BMP6: variants seen among roughly 807,000 people sequenced by gnomAD.
BMP6 encodes the protein bone morphogenetic protein 6.
BMP6 carries 17 observed loss-of-function variants against 54.1 expected under a neutral mutation model. That is an observed-to-expected ratio of 0.31 (90% CI 0.22 to 0.47). BMP6 has a LOEUF of 0.47. Ranked by LOEUF, BMP6 falls within the 20% of genes least tolerant of loss-of-function variation. The probability of loss-of-function intolerance (pLI) is 1.00; values close to 1 mark genes in which losing one functional copy is unlikely to be tolerated. For synonymous variants in BMP6, 328 were observed against 291.2 expected (o/e 1.13, Z -1.28); for missense variants, 720 against 690.4 (o/e 1.04, Z -0.48).
rs534826807 is a variant in BMP6 at position 7,779,169 on chromosome 6, G to A, written c.664+51550G>A. Among the ~76,000 whole-genome samples, 99 of 152,296 alleles carry A rather than the reference G, an allele frequency of 6.5e-4. 1 individual carries two copies. In the South Asian group the frequency reaches 0.02, roughly 30 times the overall value. On this transcript the variant is annotated intron_variant, in intron 1 of 6. Coordinates refer to ENST00000283147, the MANE Select transcript of BMP6 (RefSeq NM_001718.6). ...GCCCTGTGGCCCAGGCTATAGCCCA[G>A]CAAATATTTGTGGTGGGTGCCCAAG...
intron 1 of BMP6, among the ~76,000 whole-genome samples, chr6:7,812,336 A>AT (rs1758447655): frequency 1.3e-5 from 2 of 152,252 alleles, no homozygotes; most frequent in Admixed American, 1.3e-4. Flanking sequence ...GCCTAGACAC[A>AT]TTTGAAATTC....
chr6:7,858,453 CTT>C (rs1389467472), intron 2 of BMP6, among the ~76,000 whole-genome samples: 1 of 152,066 alleles, frequency 6.6e-6, no homozygotes, highest in Non-Finnish European at 1.5e-5. Flanking sequence ...ATCCAGCTGA[CTT>C]TAGCATTTGT....
At chr6:7,769,443 A>G (rs1757749518) in intron 1 of BMP6, among the ~76,000 whole-genome samples, 3 of 152,224 alleles carry the variant, frequency 2.0e-5, no homozygotes. Context: ...AGAGTTTGCT[A>G]TCGCCTGGCT....
intron 2 of BMP6, among the ~76,000 whole-genome samples, chr6:7,858,003 G>A: frequency 6.6e-6 from 1 of 152,164 alleles, no homozygotes; most frequent in Non-Finnish European, 1.5e-5. Context: ...ACCATCTACA[G>A]CTGACACCAG....
At chr6:7,820,877 A>T (rs1292416247) in intron 1 of BMP6, among the ~76,000 whole-genome samples, 1 of 152,200 alleles carries the variant, frequency 6.6e-6, no homozygotes, top group African/African-American at 2.4e-5. Flanking sequence ...CCTCAGAAGG[A>T]GCACGCGATC....
intron 1 of BMP6, among the ~76,000 whole-genome samples, chr6:7,844,503 C>G (rs1759029130): frequency 6.6e-6 from 1 of 152,084 alleles, no homozygotes; most frequent in South Asian, 2.1e-4. Context: ...GTCGTGGAGC[C>G]TTCAGGTTCT....
chr6:7,832,929 G>A (rs1758814065), intron 1 of BMP6, among the ~76,000 whole-genome samples: 1 of 151,794 alleles, frequency 6.6e-6, no homozygotes, highest in Non-Finnish European at 1.5e-5. Flanking sequence ...AGTTTAAGGT[G>A]GAAAAGGGTG....
intron 1 of BMP6, among the ~76,000 whole-genome samples, chr6:7,798,960 C>T (rs1167828023): frequency 6.6e-6 from 1 of 152,152 alleles, no homozygotes; most frequent in Non-Finnish European, 1.5e-5. Flanking sequence ...GAGATTGGAT[C>T]ATCTCATTAC....
intron 4 of BMP6, among the ~76,000 whole-genome samples, chr6:7,865,552 A>G (rs1294408428): frequency 6.6e-6 from 1 of 152,156 alleles, no homozygotes; most frequent in Non-Finnish European, 1.5e-5. Context: ...ATGCTGAGGA[A>G]GAGATTCCCA....
intron 1 of BMP6, among the ~76,000 whole-genome samples, chr6:7,844,336 T>C (rs1759023963): frequency 7.7e-6 from 1 of 129,260 alleles, no homozygotes; most frequent in African/African-American, 3.0e-5. Flanking sequence ...TTCTATCCTT[T>C]CCCCCCAGTT....
chr6:7,760,259 C>G (rs1415465542), intron 1 of BMP6, among the ~76,000 whole-genome samples: 1 of 151,844 alleles, frequency 6.6e-6, no homozygotes, highest in Non-Finnish European at 1.5e-5. Flanking sequence ...GTATGATAGA[C>G]TAGTGAAATT....
intron 1 of BMP6, among the ~76,000 whole-genome samples, chr6:7,817,200 T>C (rs198354): frequency 0.4 from 60,087 of 151,900 alleles, 12,792 homozygotes; most frequent in East Asian, 0.73. Context: ...TGAGAAAAAA[T>C]AGGCATATGC....
intron 1 of BMP6, among the ~76,000 whole-genome samples, chr6:7,761,535 C>T (rs947555599): frequency 3.9e-5 from 6 of 152,204 alleles, no homozygotes; most frequent in Non-Finnish European, 1.5e-5. Flanking sequence ...CCAAGTGCAG[C>T]CCTGGAGCCA....
rs1302021189 is a variant in BMP6, at chr6:7,807,871, A to G, written c.665-37269A>G. Among the ~76,000 whole-genome samples, 7 of 150,368 alleles carry G rather than the reference A, an allele frequency of 4.7e-5. No individual in the cohort carries two copies. In the East Asian group the frequency reaches 1.2e-3, roughly 25 times the overall value. ...TGGCCTGCAAATGCCTGTGCCTGCA[A>G]TTGATTGCAGTTCTTTTTGTATTAC... is the stretch of plus-strand genomic sequence containing the variant. On this transcript the variant is annotated intron_variant, in intron 1 of 6. Coordinates refer to ENST00000283147, the MANE Select transcript of BMP6 (RefSeq NM_001718.6).
intron 1 of BMP6, among the ~76,000 whole-genome samples, chr6:7,791,936 C>G (rs1029626951): frequency 6.6e-6 from 1 of 152,104 alleles, no homozygotes; most frequent in African/African-American, 2.4e-5. Context: ...ACTTCCTTGA[C>G]CTCATAAGAA....
At chr6:7,870,293 G>C (rs1759501550) in intron 4 of BMP6, among the ~76,000 whole-genome samples, 1 of 152,206 alleles carries the variant, frequency 6.6e-6, no homozygotes, top group African/African-American at 2.4e-5. Flanking sequence ...AAAATGGCAG[G>C]CACTTCCACA....
intron 1 of BMP6, among the ~76,000 whole-genome samples, chr6:7,804,451 T>C (rs963062309): frequency 6.6e-6 from 1 of 152,194 alleles, no homozygotes; most frequent in African/African-American, 2.4e-5. Context: ...TACATAGTGA[T>C]TGTCAGGACA....
At chr6:7,790,221 G>A (rs1426482410) in intron 1 of BMP6, among the ~76,000 whole-genome samples, 1 of 152,092 alleles carries the variant, frequency 6.6e-6, no homozygotes, top group African/African-American at 2.4e-5. Flanking sequence ...ACTGGCTTGA[G>A]AACACACACA....
rs1392136075 is a variant in BMP6, at chr6:7,726,968, G to T, written c.13G>T (p.Gly5Trp). Residue 5 changes from glycine to tryptophan, a missense_variant, in exon 1 of 7, where the codon GGG becomes TGG. Gly to Trp is a radical substitution (Grantham distance 184). Transcript: ENST00000283147. ...CGGCCGGGCGGGGATGCCGGGGCTG[G>T]GGCGGAGGGCGCAGTGGCTGTGCTG... MPGL[G>W]RRAQWLCWWW... The T allele has an allele frequency of 6.2e-6, 7 of 1,135,166 alleles. No individual in the cohort carries two copies. Among genetic ancestry groups the T allele is most frequent in the South Asian group, 8.5e-5 (2 of 23,498 alleles). The allele number at this position is 1,135,166 out of a possible 1,614,324, so 70.3% of individuals were successfully genotyped here.
Sources: allele counts gnomAD v4.1 joint callset (sites outside exome capture counted in the v4.1 genomes callset), GRCh38; gene constraint gnomAD v4.1.1; transcripts MANE v1.5; gene names NCBI Gene and HGNC (gene_info 2026-07-23, HGNC 2026-07-21).